EHD3: variants seen among roughly 807,000 people sequenced by gnomAD.
EHD3 encodes EH domain-containing protein 3.
A neutral mutation model predicts 43.0 loss-of-function variants in EHD3; 17 were observed. That is an observed-to-expected ratio of 0.40 (90% CI 0.27 to 0.59). The LOEUF is 0.59. Among genes scored for constraint, EHD3 ranks in the 20% least tolerant of loss-of-function variants. The pLI is 0.49. For synonymous variants in EHD3, 313 were observed against 289.5 expected (o/e 1.08, Z -0.82); for missense variants, 594 against 705.6 (o/e 0.84, Z 1.79).
At chr2:31,254,587 T>C (rs1558650394) in intron 3 of EHD3, among the ~76,000 whole-genome samples, 1 of 152,258 alleles carries the variant, frequency 6.6e-6, no homozygotes, top group Non-Finnish European at 1.5e-5. Context: ...TGCCTTGTTA[T>C]TCCTCTTTTG....
rs975016461 is a variant in EHD3 at position 31,269,171 on chromosome 2, G to A, written c.*2467G>A. 1 of 152,182 alleles carries A rather than the reference G, an allele frequency of 6.6e-6. No homozygotes were observed. The highest frequency in any genetic ancestry group is 6.5e-5 in the Admixed American group (1 of 15,278). The allele number at this position is 152,182 out of a possible 1,614,324, so 9.4% of individuals were successfully genotyped here. On this transcript the variant is annotated 3_prime_UTR_variant, in exon 6 of 6. Transcript: ENST00000322054. Reference sequence around the variant, plus strand: ...GGAAACATTTAATAGGGAAAGCAGAGACATGTCATGTCAGCCCCACAGACA... The same window carrying A: ...GGAAACATTTAATAGGGAAAGCAGAAACATGTCATGTCAGCCCCACAGACA...
rs1683589755 is a variant in EHD3 at position 31,249,380 on chromosome 2, T to C, written c.414T>C (p.Cys138=). 3 of 1,614,002 alleles carry C rather than the reference T, an allele frequency of 1.9e-6. No homozygotes were observed. The highest frequency in any genetic ancestry group is 2.2e-5 in the East Asian group (1 of 44,888). Reference sequence around the variant, plus strand: ...ACCTCTGCCCATGCAGGTTCGTGTGTGCCCAGCTACCTAACCCTGTGCTGG... The same window carrying C: ...ACCTCTGCCCATGCAGGTTCGTGTGCGCCCAGCTACCTAACCCTGTGCTGG... ...FGNAFLNRFV[C]AQLPNPVLES... The change falls in exon 3 of 6, where the codon TGT becomes TGC. Residue 138 remains cysteine, a synonymous_variant. Coordinates refer to ENST00000322054, the MANE Select transcript of EHD3 (RefSeq NM_014600.3).
At chr2:31,235,626 G>A (rs530567879) in intron 1 of EHD3, among the ~76,000 whole-genome samples, 2 of 152,336 alleles carry the variant, frequency 1.3e-5, no homozygotes, top group East Asian at 3.9e-4. Context: ...GTGGGCAGCA[G>A]ACCTGGGATG....
At chr2:31,244,039 G>T (rs557889817) in intron 1 of EHD3, among the ~76,000 whole-genome samples, 1 of 152,014 alleles carries the variant, frequency 6.6e-6, no homozygotes, top group South Asian at 2.1e-4. Context: ...AACCAATTGA[G>T]AAAGGGAAAA....
intron 3 of EHD3, among the ~76,000 whole-genome samples, chr2:31,254,713 A>T (rs893024130): frequency 2.6e-5 from 4 of 152,180 alleles, no homozygotes; most frequent in Non-Finnish European, 5.9e-5. Flanking sequence ...TCAGGCTCAC[A>T]TGGCTGTGAG....
At chr2:31,255,865 G>T (rs1303912158) in intron 3 of EHD3, among the ~76,000 whole-genome samples, 1 of 152,188 alleles carries the variant, frequency 6.6e-6, no homozygotes, top group African/African-American at 2.4e-5. Context: ...TCCTCAGGCA[G>T]AGGCAGACTT....
intron 5 of EHD3, among the ~76,000 whole-genome samples, chr2:31,265,928 C>T (rs984236813): frequency 2.6e-5 from 4 of 152,082 alleles, no homozygotes; most frequent in African/African-American, 9.7e-5. Context: ...CCCTTTCTTC[C>T]CCAGCCCCTA....
At chr2:31,240,489 C>T (rs960598896) in intron 1 of EHD3, among the ~76,000 whole-genome samples, 2 of 152,198 alleles carry the variant, frequency 1.3e-5, no homozygotes, top group African/African-American at 2.4e-5. Context: ...TTACCCCACC[C>T]GACTGTGCTG....
intron 2 of EHD3, among the ~76,000 whole-genome samples, chr2:31,245,735 G>GT (rs765195110): frequency 0.063 from 4,301 of 68,294 alleles, 262 homozygotes; most frequent in African/African-American, 0.12. Context: ...CTAATTTTGT[G>GT]TTTTTTTTTT....
rs141403133 is a variant in EHD3 at position 31,266,500 on chromosome 2, G to A, written c.1404G>A (p.Lys468=). The change falls in exon 6 of 6, where the codon AAG becomes AAA. Residue 468 remains lysine (K), a synonymous_variant. Coordinates refer to ENST00000322054, the MANE Select transcript of EHD3 (RefSeq NM_014600.3). The surrounding 1 kb of genome is among the most constrained non-coding windows in gnomAD (Gnocchi z 5.1). ...VDGKITGANA[K]KEMVRSKLPN... ...GCAAGATCACAGGCGCTAATGCCAAGAAGGAGATGGTGCGCTCCAAGCTGC... is the reference window on the plus strand; with the variant it reads ...GCAAGATCACAGGCGCTAATGCCAAAAAGGAGATGGTGCGCTCCAAGCTGC... 960 of 1,614,174 alleles carry A rather than the reference G, an allele frequency of 5.9e-4. 6 individuals are homozygous for A. The African/African-American group carries it at 0.012, about 20-fold the overall frequency.
rs2148725705 is a variant in EHD3 at position 31,266,778 on chromosome 2, A to G, written c.*74A>G. ...GCGGTGACTACACACACACACACAC[A>G]CACACACACACACACAAACATGCAC... On this transcript the variant is annotated 3_prime_UTR_variant, in exon 6 of 6. Coordinates refer to ENST00000322054, the MANE Select transcript of EHD3 (RefSeq NM_014600.3). This position sits in a 1 kb window ranked among gnomAD's most constrained non-coding sequence, Gnocchi z 5.1. The G allele has an allele frequency of 7.1e-7, 1 of 1,408,726 alleles. No individual in the cohort carries two copies. 87.3% of individuals were successfully genotyped at this position (1,408,726 alleles called of 1,614,324 possible). A position where few individuals can be genotyped will look rare whatever the true frequency, so the allele number is the denominator to read the frequency against.
rs1305191866 is a variant in EHD3, at chr2:31,266,474, G to T, written c.1378G>T (p.Gly460Cys). The change falls in exon 6 of 6, where the codon GGC becomes TGC. Residue 460 changes from glycine to cysteine, a missense_variant. Physicochemically the swap from Gly to Cys is radical, Grantham distance 159. Around this residue, in one of 3 missense-constraint regions of EHD3, gnomAD observed 322 missense variants for 348.0 expected, o/e 0.93. Coordinates refer to ENST00000322054, the MANE Select transcript of EHD3 (RefSeq NM_014600.3). This position sits in a 1 kb window ranked among gnomAD's most constrained non-coding sequence, Gnocchi z 5.1. ...CTTCTACACCCTGTCACCGGTGGAT[G>T]GCAAGATCACAGGCGCTAATGCCAA... Reference protein sequence around the residue: ...EIFYTLSPVDGKITGANAKKE... With the variant: ...EIFYTLSPVDCKITGANAKKE... 4.3e-6 allele frequency: 7 copies of T among 1,614,052 alleles called. No homozygotes were observed. Among genetic ancestry groups the T allele is most frequent in the Non-Finnish European group, 5.1e-6 (6 of 1,180,052 alleles).
chr2:31,238,576 C>T (rs1005095241), intron 1 of EHD3, among the ~76,000 whole-genome samples: 11 of 152,246 alleles, frequency 7.2e-5, no homozygotes, highest in Non-Finnish European at 1.3e-4. Flanking sequence ...CAGGCTGCCT[C>T]TTTGGAGTAC....
At chr2:31,250,139 A>AAGATCGGAAGAGCACACG (rs1683605441) in intron 3 of EHD3, among the ~76,000 whole-genome samples, 1 of 151,964 alleles carries the variant, frequency 6.6e-6, no homozygotes, top group African/African-American at 2.4e-5. Flanking sequence ...GAATAGTATT[A>AAGATCGGAAGAGCACACG]TCCATCTTAC....
chr2:31,257,439 G>A (rs1031016893), intron 3 of EHD3, among the ~76,000 whole-genome samples: 2 of 151,372 alleles, frequency 1.3e-5, no homozygotes, highest in South Asian at 2.1e-4. Context: ...CTGTGCCTGC[G>A]TGCCAGGGAG....
In EHD3 at chr2:31,266,037, G is replaced by A; in HGVS notation, c.1081-140G>A. ...TTCGATTACCACGTGATGTCCATCA[G>A]CTGAGCCTCTAGGTCACAGGTCTTT... On this transcript the variant is annotated intron_variant, in intron 5 of 5. Coordinates refer to ENST00000322054, the MANE Select transcript of EHD3 (RefSeq NM_014600.3). The surrounding 1 kb of genome is among the most constrained non-coding windows in gnomAD (Gnocchi z 5.1). 1 of 1,096,332 alleles carries A rather than the reference G, an allele frequency of 9.1e-7. No individual in the cohort carries two copies. Among genetic ancestry groups the A allele is most frequent in the Non-Finnish European group, 1.3e-6 (1 of 786,502 alleles). 67.9% of individuals were successfully genotyped at this position (1,096,332 alleles called of 1,614,324 possible).
At chr2:31,250,258 T>C (rs533285882) in intron 3 of EHD3, among the ~76,000 whole-genome samples, 2 of 143,594 alleles carry the variant, frequency 1.4e-5, no homozygotes, top group Non-Finnish European at 3.0e-5. Context: ...ATCATCATCA[T>C]CGTTGTTTTC....
rs771770948 is a variant in EHD3, at chr2:31,266,656, G to A, written c.1560G>A (p.Glu520=). The A allele has an allele frequency of 1.9e-6, 3 of 1,612,746 alleles. No homozygotes were observed. Among genetic ancestry groups the A allele is most frequent in the Non-Finnish European group, 2.5e-6 (3 of 1,179,072 alleles). The change falls in exon 6 of 6, where the codon GAG becomes GAA. Residue 520 remains glutamate (E), a synonymous_variant. Coordinates refer to ENST00000322054, the MANE Select transcript of EHD3 (RefSeq NM_014600.3). The surrounding 1 kb of genome is among the most constrained non-coding windows in gnomAD (Gnocchi z 5.1). ...VKLEGHELPN[E]LPAHLLPPSK... ...TGGAGGGGCACGAGCTGCCCAACGAGCTGCCTGCCCACCTCCTGCCCCCGT... is the reference window on the plus strand; with the variant it reads ...TGGAGGGGCACGAGCTGCCCAACGAACTGCCTGCCCACCTCCTGCCCCCGT...
At position 31,267,468 on chromosome 2, in the gene EHD3, T is replaced by G. The variant is rs1286836687; in HGVS notation, c.*764T>G. 6.6e-6 allele frequency: 1 copy of G among 152,624 alleles called. No individual in the cohort carries two copies. Among genetic ancestry groups the G allele is most frequent in the Non-Finnish European group, 1.5e-5 (1 of 68,032 alleles). 9.5% of individuals were successfully genotyped at this position (152,624 alleles called of 1,614,324 possible). A position where few individuals can be genotyped will look rare whatever the true frequency, so the allele number is the denominator to read the frequency against. On this transcript the variant is annotated 3_prime_UTR_variant, in exon 6 of 6. Transcript: ENST00000322054. ...TTCTTTCCACCTGGCCTATGATGTT[T>G]AGATGTTCATACTTGACTCACATTT...
Sources: allele counts gnomAD v4.1 joint callset (sites outside exome capture counted in the v4.1 genomes callset), GRCh38; gene constraint gnomAD v4.1.1; regional missense constraint gnomAD v4.1.1; non-coding constraint Gnocchi (gnomAD v3.1); transcripts MANE v1.5; gene names NCBI Gene and HGNC (gene_info 2026-07-23, HGNC 2026-07-21).